PTPN3: variants seen among roughly 807,000 people sequenced by gnomAD.
PTPN3 encodes the protein protein tyrosine phosphatase non-receptor type 3.
In PTPN3, 96 loss-of-function variants were observed where a neutral mutation model predicts 132.7. The ratio of observed to expected loss-of-function variants is 0.72; its 90% confidence interval spans 0.61 to 0.86. The LOEUF is 0.86. Ranked by LOEUF, PTPN3 falls within the 40% of genes least tolerant of loss-of-function variation. PTPN3 has a pLI of 0.00. For synonymous variants in PTPN3, 398 were observed against 429.0 expected, an observed-to-expected ratio of 0.93 and a Z score of 0.89; for missense variants, 1,125 against 1,159.6, an observed-to-expected ratio of 0.97 and a Z score of 0.43.
At chr9:109,410,837 T>C (rs771314999) in intron 14 of PTPN3, among the ~76,000 whole-genome samples, 7 of 152,240 alleles carry the variant, frequency 4.6e-5, no homozygotes, top group South Asian at 2.1e-4. Flanking sequence ...TTCTGCTTCA[T>C]AGGACTCTTG....
rs779970828 is a variant in PTPN3 at position 109,433,120 on chromosome 9, C to T, written c.717G>A (p.Ala239=). 6.2e-6 allele frequency: 10 copies of T among 1,613,958 alleles called. No individual in the cohort carries two copies. The highest frequency in any genetic ancestry group is 4.0e-5 in the African/African-American group (3 of 74,906). The change falls in exon 10 of 26, where the codon GCG becomes GCA. Residue 239 remains alanine, a synonymous_variant. Coordinates refer to ENST00000374541, the MANE Select transcript of PTPN3 (RefSeq NM_002829.4). ...NLDLMIGIAS[A]GVAVYRKYIC... ...TGTATTTTCGGTACACAGCAACACCCGCGGAAGCAATTCCAATCATTAGGT... is the reference window on the plus strand; with the variant it reads ...TGTATTTTCGGTACACAGCAACACCTGCGGAAGCAATTCCAATCATTAGGT...
intron 22 of PTPN3, among the ~76,000 whole-genome samples, chr9:109,383,901 C>A: frequency 6.6e-6 from 1 of 151,998 alleles, no homozygotes; most frequent in Non-Finnish European, 1.5e-5. Context: ...CCCCTCAGGC[C>A]CCTCCCCACC....
At chr9:109,384,327 A>C (rs1206375031) in intron 22 of PTPN3, among the ~76,000 whole-genome samples, 1 of 152,230 alleles carries the variant, frequency 6.6e-6, no homozygotes, top group Non-Finnish European at 1.5e-5. Context: ...GCGTCTCTGA[A>C]GCCCTTGAAG....
At chr9:109,428,994 G>C in intron 10 of PTPN3, 1 of 985,424 alleles carries the variant, frequency 1.0e-6, no homozygotes. Context: ...GCGTGAGCTG[G>C]TATATACATG....
chr9:109,387,447 C>A (rs1490406467), intron 22 of PTPN3, among the ~76,000 whole-genome samples: 1 of 152,208 alleles, frequency 6.6e-6, no homozygotes, highest in Non-Finnish European at 1.5e-5. Context: ...AACCCAGGGG[C>A]CCCTAATGTT....
chr9:109,395,383 T>C (rs1188945838), intron 19 of PTPN3, among the ~76,000 whole-genome samples: 1 of 152,214 alleles, frequency 6.6e-6, no homozygotes, highest in Non-Finnish European at 1.5e-5. Flanking sequence ...TTTTGGCCTT[T>C]GGAAAGTTTG....
intron 17 of PTPN3, among the ~76,000 whole-genome samples, chr9:109,407,405 C>T (rs1193920194): frequency 6.6e-6 from 1 of 151,988 alleles, no homozygotes; most frequent in Non-Finnish European, 1.5e-5. Context: ...AATAGGTTAA[C>T]TATGGAAAGT....
chr9:109,404,262 C>T (rs1239860472), intron 19 of PTPN3, among the ~76,000 whole-genome samples, 186 bp downstream of exon 19: 1 of 152,230 alleles, frequency 6.6e-6, no homozygotes, highest in Non-Finnish European at 1.5e-5. Flanking sequence ...TTATCCACGA[C>T]AAGCACAGGC....
At chr9:109,433,947 T>G (rs1843848907) in intron 9 of PTPN3, among the ~76,000 whole-genome samples, 1 of 146,110 alleles carries the variant, frequency 6.8e-6, no homozygotes, top group African/African-American at 2.5e-5. Context: ...AAAAAAAGCG[T>G]TGCTTCTAAA....
At chr9:109,502,114 A>G (rs1847870475), upstream of PTPN3, among the ~76,000 whole-genome samples, 1 of 152,246 alleles carries the variant, frequency 6.6e-6, no homozygotes, top group Non-Finnish European at 1.5e-5. Flanking sequence ...CAGATTCGTA[A>G]AAGAGGAACA....
the PTPN3 span, chr9:109,533,872 AC>A: frequency 1.3e-6 from 1 of 769,626 alleles, no homozygotes; most frequent in Non-Finnish European, 2.3e-6. Context: ...TGGGTGGAGG[AC>A]CCCTACGACG....
At chr9:109,531,414 A>G in the PTPN3 span, among the ~76,000 whole-genome samples, 2 of 152,144 alleles carry the variant, frequency 1.3e-5, no homozygotes, top group African/African-American at 2.4e-5. Flanking sequence ...ATTAACCCTG[A>G]TCATGCCAAA....
chr9:109,452,029 G>A (rs1350260976), intron 5 of PTPN3, among the ~76,000 whole-genome samples: 1 of 152,156 alleles, frequency 6.6e-6, no homozygotes, highest in Non-Finnish European at 1.5e-5. Context: ...CAGCACTTTG[G>A]GAGGCCGAGG....
At chr9:109,398,106 T>C (rs889237769) in intron 19 of PTPN3, among the ~76,000 whole-genome samples, 1 of 152,168 alleles carries the variant, frequency 6.6e-6, no homozygotes, top group African/African-American at 2.4e-5. Flanking sequence ...AAACCCCATC[T>C]CTACTTAAAA....
intron 1 of PTPN3, among the ~76,000 whole-genome samples, chr9:109,497,725 C>T (rs2132135977): frequency 6.6e-6 from 1 of 152,260 alleles, no homozygotes; most frequent in Admixed American, 6.5e-5. Flanking sequence ...GAGTTTCGTG[C>T]CAGGCCCAGG....
At chr9:109,535,401 C>A in the PTPN3 span, among the ~76,000 whole-genome samples, 1 of 152,214 alleles carries the variant, frequency 6.6e-6, no homozygotes, top group Non-Finnish European at 1.5e-5. Context: ...TCCTTACTAG[C>A]TCTCCCACTT....
chr9:109,446,808 A>G (rs1003287278), intron 6 of PTPN3, among the ~76,000 whole-genome samples: 3 of 152,226 alleles, frequency 2.0e-5, no homozygotes, highest in Non-Finnish European at 4.4e-5. Flanking sequence ...ACTTGGCCGC[A>G]TGTTCCTAAA....
chr9:109,492,441 C>T (rs1847504738), intron 1 of PTPN3, among the ~76,000 whole-genome samples: 1 of 152,220 alleles, frequency 6.6e-6, no homozygotes, highest in African/African-American at 2.4e-5. Context: ...CTTCACTCAC[C>T]CACAGCGACT....
intron 14 of PTPN3, among the ~76,000 whole-genome samples, chr9:109,412,755 C>T (rs2131784781): frequency 6.6e-6 from 1 of 152,232 alleles, no homozygotes; most frequent in South Asian, 2.1e-4. Context: ...AATCCTCCTG[C>T]ACTGGCCTCC....
Sources: allele counts gnomAD v4.1 joint callset (sites outside exome capture counted in the v4.1 genomes callset), GRCh38; gene constraint gnomAD v4.1.1; transcripts MANE v1.5; gene names NCBI Gene and HGNC (gene_info 2026-07-23, HGNC 2026-07-21).